Variants in NDUFB2 observed in about 807,000 individuals in gnomAD.
The protein encoded by NDUFB2 is NADH dehydrogenase [ubiquinone] 1 beta subcomplex subunit 2, mitochondrial.
A neutral mutation model predicts 13.4 loss-of-function variants in NDUFB2; 13 were observed. The observed-to-expected ratio is 0.97, with a 90% CI of 0.63 to 1.54. The LOEUF is 1.54. Among genes scored for constraint, NDUFB2 ranks in the 40% most tolerant of loss-of-function variants. The pLI is 0.00. For missense variants in NDUFB2, 150 were observed against 139.7 expected (o/e 1.07, Z -0.37); for synonymous variants, 47 against 50.6 (o/e 0.93, Z 0.30).
chr7:140,701,055 TTAAA>T (rs1225965093), intron 1 of NDUFB2: 1 of 152,188 alleles, frequency 6.6e-6, no homozygotes, highest in Non-Finnish European at 1.5e-5. Flanking sequence ...TATTAATACC[TTAAA>T]TAGAGCATTC....
At position 140,696,795 on chromosome 7, in the gene NDUFB2, T is replaced by C; in HGVS notation, c.51T>C (p.Leu17=). 2 of 1,609,414 alleles carry C rather than the reference T, an allele frequency of 1.2e-6. No individual in the cohort carries two copies. The highest frequency in any genetic ancestry group is 1.7e-6 in the Non-Finnish European group (2 of 1,178,186). The change falls in exon 1 of 4, where the codon CTT becomes CTC. Residue 17 remains leucine, a synonymous_variant. Coordinates refer to ENST00000247866, the MANE Select transcript of NDUFB2 (RefSeq NM_004546.3). ...LASFARVGGR[L]FRSGCARTAG... ...CTTTCGCTCGCGTTGGAGGCCGCCT[T>C]TTCAGAAGCGGCTGCGCACGGACTG...
intron 1 of NDUFB2, 160 bp from the exon 2 acceptor site, chr7:140,702,706 G>GTAAAAA (rs1794913197): frequency 2.3e-6 from 2 of 855,496 alleles, no homozygotes; most frequent in Non-Finnish European, 3.5e-6. Flanking sequence ...AGCAAGCTTA[G>GTAAAAA]TAAAAAGTGA....
intron 1 of NDUFB2, chr7:140,701,761 C>T (rs940678713): frequency 4.5e-5 from 12 of 265,282 alleles, no homozygotes; most frequent in South Asian, 9.3e-5. Context: ...GGGGAAACCC[C>T]GTCTCTACTA....
At position 140,706,580 on chromosome 7, in the gene NDUFB2, C is replaced by G. The variant is rs534193030; in HGVS notation, c.*47C>G. 4 of 149,302 alleles carry G rather than the reference C, an allele frequency of 2.7e-5. No individual in the cohort carries two copies. Among genetic ancestry groups the G allele is most frequent in the South Asian group, 2.1e-4 (1 of 4,788 alleles). 9.2% of individuals were successfully genotyped at this position (149,302 alleles called of 1,614,324 possible). A position where few individuals can be genotyped will look rare whatever the true frequency, so the allele number is the denominator to read the frequency against. On this transcript the variant is annotated 3_prime_UTR_variant, in exon 4 of 4. Transcript: ENST00000247866. ...TCCTGCAGGAGCCAGGTGAGAATTT[C>G]AAGGATTATCGACTTCATATTGCAC... is the stretch of plus-strand genomic sequence containing the variant.
intron 1 of NDUFB2, chr7:140,697,269 G>A: frequency 1.4e-6 from 1 of 701,700 alleles, no homozygotes; most frequent in Non-Finnish European, 2.6e-6. Context: ...CCTGGCTGCG[G>A]AATTTAGGGT....
At chr7:140,701,185 C>T (rs1364188612) in intron 1 of NDUFB2, 2 of 152,068 alleles carry the variant, frequency 1.3e-5, no homozygotes, top group Non-Finnish European at 2.9e-5. Context: ...AAAGTTATGT[C>T]TTTGATTAAT....
intron 1 of NDUFB2, among the ~76,000 whole-genome samples, chr7:140,701,322 A>G (rs2968550): frequency 0.3 from 45,759 of 152,176 alleles, 10,783 homozygotes; most frequent in African/African-American, 0.66. Flanking sequence ...AATTAAATGA[A>G]TTAAAACTTA....
At chr7:140,697,379 A>G (rs1194922745) in intron 1 of NDUFB2, 2 of 702,730 alleles carry the variant, frequency 2.8e-6, no homozygotes, top group Admixed American at 4.0e-5. Context: ...TCGCCCAGAG[A>G]GAGCGCCGTC....
intron 1 of NDUFB2, among the ~76,000 whole-genome samples, chr7:140,699,356 A>G (rs1303217674): frequency 6.6e-6 from 1 of 151,846 alleles, no homozygotes; most frequent in Non-Finnish European, 1.5e-5. Flanking sequence ...TTTTCCCTGG[A>G]ATTTCTTTGA....
At chr7:140,703,841 C>T (rs1214480430) in intron 2 of NDUFB2, among the ~76,000 whole-genome samples, 9 of 152,074 alleles carry the variant, frequency 5.9e-5, no homozygotes, top group Non-Finnish European at 7.4e-5. Flanking sequence ...CTGCAAGCTC[C>T]GCCTCCTGGG....
intron 1 of NDUFB2, 188 bp downstream of exon 1, chr7:140,697,030 G>C: frequency 1.6e-6 from 1 of 617,238 alleles, no homozygotes; most frequent in Middle Eastern, 4.3e-4. Flanking sequence ...GGGAGAGGGA[G>C]AGACTTCGCT....
chr7:140,705,871 A>T (rs1794960183), intron 3 of NDUFB2, among the ~76,000 whole-genome samples: 1 of 152,162 alleles, frequency 6.6e-6, no homozygotes, highest in South Asian at 2.1e-4. Flanking sequence ...GTAAAGGGTT[A>T]TGGCTTTTTC....
At chr7:140,701,769 C>CT (rs1794901501) in intron 1 of NDUFB2, 2 of 273,532 alleles carry the variant, frequency 7.3e-6, no homozygotes, top group Non-Finnish European at 1.3e-5. Flanking sequence ...CCCGTCTCTA[C>CT]TAAAAAAAAA....
rs1341001719 is a variant in NDUFB2, at chr7:140,703,016, T to C, written c.243+6T>C. 4 of 1,613,226 alleles carry C rather than the reference T, an allele frequency of 2.5e-6. No homozygotes were observed. In the South Asian group the frequency reaches 4.4e-5, roughly 18 times the overall value. On this transcript the variant is annotated splice_donor_region_variant and intron_variant, in intron 2 of 3. Coordinates refer to ENST00000247866, the MANE Select transcript of NDUFB2 (RefSeq NM_004546.3). ...ATGACTCAGAAGAGGTGCTGGTAAG[T>C]GCAGGAGAAGAGCACTTGTCGTTTT...
chr7:140,703,447 T>C (rs776493004), intron 2 of NDUFB2, among the ~76,000 whole-genome samples: 6 of 151,826 alleles, frequency 4.0e-5, no homozygotes, highest in Non-Finnish European at 7.4e-5. Flanking sequence ...CTAATTTTTT[T>C]TGTTGTTAGT....
intron 1 of NDUFB2, among the ~76,000 whole-genome samples, chr7:140,699,370 C>A (rs982618004): frequency 6.6e-6 from 1 of 152,070 alleles, no homozygotes; most frequent in Non-Finnish European, 1.5e-5. Flanking sequence ...TCTTTGAGAT[C>A]GTGCTTCTCT....
chr7:140,705,029 G>T (rs1415295693), intron 3 of NDUFB2, 66 bp downstream of exon 3: 2 of 876,922 alleles, frequency 2.3e-6, no homozygotes, highest in Admixed American at 3.1e-5. Context: ...TTTTTACTTT[G>T]TGCCTATGAT....
chr7:140,706,541 T>C (rs759062433), intron 3 of NDUFB2, 22 bp from the exon 4 acceptor site: 22 of 151,982 alleles, frequency 1.4e-4, no homozygotes, highest in Non-Finnish European at 2.5e-4. Flanking sequence ...ACTTAAAGCT[T>C]TCTACTTTTG....
At chr7:140,699,248 A>G (rs1794863669) in intron 1 of NDUFB2, among the ~76,000 whole-genome samples, 2 of 152,232 alleles carry the variant, frequency 1.3e-5, no homozygotes, top group Non-Finnish European at 2.9e-5. Flanking sequence ...TGGAACAGCC[A>G]TTATTTCCTT....
Sources: allele counts gnomAD v4.1 joint callset (sites outside exome capture counted in the v4.1 genomes callset), GRCh38; gene constraint gnomAD v4.1.1; transcripts MANE v1.5; gene names NCBI Gene and HGNC (gene_info 2026-07-23, HGNC 2026-07-21).